Variants in RERG observed in about 807,000 individuals in gnomAD.
RERG encodes RAS like estrogen regulated growth inhibitor.
In RERG, 25 loss-of-function variants were observed where a neutral mutation model predicts 23.2. The observed-to-expected ratio is 1.08, with a 90% CI of 0.79 to 1.50. The LOEUF (loss-of-function observed/expected upper bound fraction) is 1.50, where lower values mean the gene tolerates loss of function less well. Among genes scored for constraint, RERG ranks in the 40% most tolerant of loss-of-function variants. The pLI is 0.00. For missense variants in RERG, 253 were observed against 250.1 expected, an observed-to-expected ratio of 1.01 and a Z score of -0.08; for synonymous variants, 81 against 89.1, an observed-to-expected ratio of 0.91 and a Z score of 0.51.
chr12:15,130,141 A>G (rs990550740), intron 2 of RERG, among the ~76,000 whole-genome samples: 1 of 152,208 alleles, frequency 6.6e-6, no homozygotes, highest in Non-Finnish European at 1.5e-5. Flanking sequence ...TATCTATCAT[A>G]CATACACAAT....
chr12:15,201,629 A>G (rs972661117), intron 2 of RERG, among the ~76,000 whole-genome samples: 2 of 149,260 alleles, frequency 1.3e-5, no homozygotes, highest in Non-Finnish European at 3.0e-5. Context: ...AATATTAATT[A>G]TTAGTAATTG....
At chr12:15,183,088 A>G (rs1005123411) in intron 2 of RERG, among the ~76,000 whole-genome samples, 10 of 152,296 alleles carry the variant, frequency 6.6e-5, no homozygotes, top group African/African-American at 1.9e-4. Flanking sequence ...CCGAAAAACA[A>G]AAACAAAAAC....
chr12:15,147,163 AC>A (rs1458763750), intron 2 of RERG, among the ~76,000 whole-genome samples: 1 of 152,120 alleles, frequency 6.6e-6, no homozygotes, highest in East Asian at 1.9e-4. Context: ...GAATTCACCA[AC>A]CCCTAGTAAA....
chr12:15,188,124 G>C (rs1379692203), intron 2 of RERG, among the ~76,000 whole-genome samples: 4 of 152,094 alleles, frequency 2.6e-5, no homozygotes, highest in Non-Finnish European at 5.9e-5. Context: ...GGTTTGCAAG[G>C]CCACGTGGCT....
At chr12:15,147,849 C>T (rs1291432370) in intron 2 of RERG, among the ~76,000 whole-genome samples, 1 of 152,180 alleles carries the variant, frequency 6.6e-6, no homozygotes, top group Admixed American at 6.5e-5. Flanking sequence ...AATTGGACAG[C>T]ACATCTGTGA....
intron 2 of RERG, among the ~76,000 whole-genome samples, chr12:15,180,338 G>C (rs915987192): frequency 1.3e-5 from 2 of 152,098 alleles, no homozygotes; most frequent in Non-Finnish European, 2.9e-5. Flanking sequence ...CCCTGTCTTG[G>C]GTCATTCAGT....
intron 2 of RERG, among the ~76,000 whole-genome samples, chr12:15,166,603 A>G (rs10846155): frequency 0.65 from 98,122 of 151,582 alleles, 31,831 homozygotes; most frequent in Admixed American, 0.69. Context: ...CACTGCAGCT[A>G]CTTACCTTCC....
In RERG at chr12:15,148,539, C is replaced by T. The variant is rs530770339; in HGVS notation, c.62-27420G>A. On this transcript the variant is annotated intron_variant, in intron 2 of 4. Coordinates refer to ENST00000256953, the MANE Select transcript of RERG (RefSeq NM_032918.3). ...AACTTAAGACACTGGGAAAACATTT[C>T]TATCCATGTAAGCATAGGAAACTTT... Among the ~76,000 whole-genome samples the T allele has an allele frequency of 2.6e-5, 4 of 152,282 alleles. No individual in the cohort carries two copies. The South Asian group carries it at 6.2e-4, about 24-fold the overall frequency.
chr12:15,163,158 C>G (rs757740932), intron 2 of RERG, among the ~76,000 whole-genome samples: 1 of 152,112 alleles, frequency 6.6e-6, no homozygotes, highest in African/African-American at 2.4e-5. Flanking sequence ...GCCAGAAGCA[C>G]TACACAAAAG....
chr12:15,114,496 C>A lies in RERG; in HGVS notation c.119-3079G>T, dbSNP rs544439291. On this transcript the variant is annotated intron_variant, in intron 3 of 4. Transcript: ENST00000256953. ...CATATATCAAATGATGTTCTACCTG[C>A]TTACTTACCAGAGAGAAGCTTATAA... is the stretch of plus-strand genomic sequence containing the variant. 32 of 152,272 alleles carry A rather than the reference C, an allele frequency of 2.1e-4. No individual in the cohort carries two copies. In the South Asian group the frequency reaches 6.0e-3, roughly 29 times the overall value. 9.4% of individuals were successfully genotyped at this position (152,272 alleles called of 1,614,324 possible).
rs950005149 is a variant in RERG, at chr12:15,197,180, G to A, written c.61+20249C>T. 2.6e-5 allele frequency among the ~76,000 whole-genome samples: 4 copies of A among 152,272 alleles called. No homozygotes were observed. In the East Asian group the frequency reaches 7.7e-4, roughly 29 times the overall value. ...ATGCCTGTTTTCTGTAACTTAGATT[G>A]TAGTGCAACCAGGAAGCAGAGAAGC... On this transcript the variant is annotated intron_variant, in intron 2 of 4. Transcript: ENST00000256953.
At chr12:15,146,481 T>G (rs1864334923) in intron 2 of RERG, among the ~76,000 whole-genome samples, 1 of 152,202 alleles carries the variant, frequency 6.6e-6, no homozygotes, top group Admixed American at 6.5e-5. Flanking sequence ...TTCCATACAA[T>G]GTCCTTGCAA....
chr12:15,185,319 T>C (rs140092058), intron 2 of RERG, among the ~76,000 whole-genome samples: 4 of 152,282 alleles, frequency 2.6e-5, no homozygotes, highest in African/African-American at 9.6e-5. Context: ...TCAAGATTTT[T>C]AAAGCTCTCA....
Position 15,135,929 on chromosome 12 carries a change from C to T in RERG, c.62-14810G>A, listed in dbSNP as rs530275379. Among the ~76,000 whole-genome samples, 9 of 152,142 alleles carry T rather than the reference C, an allele frequency of 5.9e-5. No homozygotes were observed. In the East Asian group the frequency reaches 1.5e-3, roughly 26 times the overall value. On this transcript the variant is annotated intron_variant, in intron 2 of 4. Coordinates refer to ENST00000256953, the MANE Select transcript of RERG (RefSeq NM_032918.3). Reference sequence around the variant, plus strand: ...ACTGGCCTCATAGAATGAGTTAGGACGTATTCCCTTTGCTTCTATTTTCTG... The same window carrying T: ...ACTGGCCTCATAGAATGAGTTAGGATGTATTCCCTTTGCTTCTATTTTCTG...
chr12:15,129,201 G>T (rs1864000028), intron 2 of RERG, among the ~76,000 whole-genome samples: 1 of 151,932 alleles, frequency 6.6e-6, no homozygotes, highest in African/African-American at 2.4e-5. Context: ...CTTAGTCAAA[G>T]GAGATGAAAA....
At chr12:15,165,862 T>A (rs1277365601) in intron 2 of RERG, among the ~76,000 whole-genome samples, 1 of 152,164 alleles carries the variant, frequency 6.6e-6, no homozygotes, top group Non-Finnish European at 1.5e-5. Context: ...CCTCTCCAAC[T>A]CTCCCTGTCA....
chr12:15,136,197 T>C (rs1864141471), intron 2 of RERG, among the ~76,000 whole-genome samples: 1 of 152,098 alleles, frequency 6.6e-6, no homozygotes, highest in East Asian at 1.9e-4. Flanking sequence ...TTTGCCCATA[T>C]AGTATTCCTT....
intron 2 of RERG, among the ~76,000 whole-genome samples, chr12:15,169,920 ATGTGTGTGTGTGTGTGTGTGTGTGTGTG>A (rs61079713): frequency 7.3e-6 from 1 of 137,590 alleles, no homozygotes; most frequent in East Asian, 2.2e-4. Flanking sequence ...TCTGCTAAAA[ATGTGTGTGTGTGTGTGTGTGTGTGTGTG>A]TGTGTGTGTG....
At chr12:15,115,516 C>T (rs2136084740) in intron 3 of RERG, among the ~76,000 whole-genome samples, 1 of 152,104 alleles carries the variant, frequency 6.6e-6, no homozygotes, top group South Asian at 2.1e-4. Context: ...TAATATAAGG[C>T]CTCCCACACA....
Sources: gnomAD v4.1 joint callset for allele counts (sites outside exome capture counted in the v4.1 genomes callset) on GRCh38, gnomAD v4.1.1 for gene constraint, MANE v1.5 for transcripts, NCBI Gene and HGNC (gene_info 2026-07-23, HGNC 2026-07-21) for gene names.